Variants in SMIM36 observed in about 807,000 individuals in gnomAD.
SMIM36 encodes the protein small integral membrane protein 36.
the SMIM36 span, among the ~76,000 whole-genome samples, chr17:55,519,277 G>A: frequency 5.3e-5 from 8 of 152,196 alleles, no homozygotes; most frequent in South Asian, 2.1e-4. Context: ...GAAGGTTGGC[G>A]CAAGAGGGTG....
chr17:55,452,102 C>CAA (rs1156887430), intron 4 of SMIM36, among the ~76,000 whole-genome samples: 2,102 of 51,498 alleles, frequency 0.041, 24 homozygotes, highest in East Asian at 0.045. Flanking sequence ...TCAATCTCTA[C>CAA]AAAAAAAAAA....
the SMIM36 span, among the ~76,000 whole-genome samples, chr17:55,529,766 G>C: frequency 6.6e-6 from 1 of 152,096 alleles, no homozygotes; most frequent in Non-Finnish European, 1.5e-5. Context: ...ACTCCAGCCT[G>C]GGTGATGGAC....
At chr17:55,520,737 G>T in the SMIM36 span, among the ~76,000 whole-genome samples, 2 of 152,202 alleles carry the variant, frequency 1.3e-5, no homozygotes, top group East Asian at 3.8e-4. Flanking sequence ...AATATTTTCA[G>T]ATTGTGTTTG....
chr17:55,483,574 C>A (rs1349868494), intron 1 of SMIM36, among the ~76,000 whole-genome samples: 1 of 152,202 alleles, frequency 6.6e-6, no homozygotes, highest in Non-Finnish European at 1.5e-5. Flanking sequence ...TGAGCTGCAA[C>A]AGTAACTCTC....
intron 3 of SMIM36, among the ~76,000 whole-genome samples, chr17:55,470,588 G>A (rs1468616379): frequency 6.6e-6 from 1 of 152,036 alleles, no homozygotes; most frequent in Non-Finnish European, 1.5e-5. Flanking sequence ...CACTTGCCCA[G>A]CTCCCTTATT....
At chr17:55,453,367 G>A (rs1435601311) in intron 4 of SMIM36, among the ~76,000 whole-genome samples, 2 of 152,048 alleles carry the variant, frequency 1.3e-5, no homozygotes, top group African/African-American at 4.8e-5. Context: ...GAAGCATTTA[G>A]GTTACTCCTG....
At chr17:55,507,924 A>G (rs142374631) in intron 1 of SMIM36, among the ~76,000 whole-genome samples, 18 of 152,234 alleles carry the variant, frequency 1.2e-4, no homozygotes, top group African/African-American at 4.1e-4. Context: ...TTTGATAAAC[A>G]TAAAAATTAA....
chr17:55,501,759 C>T lies in SMIM36; in HGVS notation c.*174+9120G>A, dbSNP rs905095488. ...GCCGAATAGGAACAGCTCCGGTCTA[C>T]AGCTCCCAGCGTGACCGACGCAGAA... On this transcript the variant is annotated intron_variant, in intron 1 of 4. Transcript: ENST00000636752. Among the ~76,000 whole-genome samples, 6 of 151,530 alleles carry T rather than the reference C, an allele frequency of 4.0e-5. No homozygotes were observed. In the South Asian group the frequency reaches 1.0e-3, roughly 26 times the overall value.
At chr17:55,477,578 G>A (rs1466527091) in intron 3 of SMIM36, among the ~76,000 whole-genome samples, 1 of 152,144 alleles carries the variant, frequency 6.6e-6, no homozygotes, top group Admixed American at 6.5e-5. Flanking sequence ...CCCATTCTGT[G>A]TACTGGGGAT....
chr17:55,473,805 C>T (rs1242000234), intron 3 of SMIM36, among the ~76,000 whole-genome samples: 1 of 152,046 alleles, frequency 6.6e-6, no homozygotes, highest in Non-Finnish European at 1.5e-5. Context: ...CGGGAGACCA[C>T]CCCTCATATT....
intron 1 of SMIM36, among the ~76,000 whole-genome samples, chr17:55,491,024 A>G (rs1909693841): frequency 6.6e-6 from 1 of 151,962 alleles, no homozygotes; most frequent in African/African-American, 2.4e-5. Context: ...GGAGCCTGAG[A>G]CAGGAGGATC....
At chr17:55,529,505 C>G in the SMIM36 span, among the ~76,000 whole-genome samples, 1 of 151,910 alleles carries the variant, frequency 6.6e-6, no homozygotes, top group Non-Finnish European at 1.5e-5. Context: ...CGGTGGCTCA[C>G]GCCTGTAATC....
At chr17:55,495,528 G>A (rs1909793039) in intron 1 of SMIM36, among the ~76,000 whole-genome samples, 1 of 152,156 alleles carries the variant, frequency 6.6e-6, no homozygotes, top group South Asian at 2.1e-4. Context: ...GGTGGCTCAT[G>A]CCTGTAATCC....
chr17:55,518,907 T>C, the SMIM36 span, among the ~76,000 whole-genome samples: 1 of 151,888 alleles, frequency 6.6e-6, no homozygotes, highest in Non-Finnish European at 1.5e-5. Flanking sequence ...GGACAATGCT[T>C]CCATTTATCA....
intron 1 of SMIM36, among the ~76,000 whole-genome samples, chr17:55,509,026 C>G (rs1012241805): frequency 6.7e-6 from 1 of 150,320 alleles, no homozygotes; most frequent in Admixed American, 6.6e-5. Flanking sequence ...AAATCACATA[C>G]TTAAGAGAAA....
chr17:55,491,307 A>C (rs1168302187), intron 1 of SMIM36, among the ~76,000 whole-genome samples: 5 of 151,990 alleles, frequency 3.3e-5, no homozygotes, highest in African/African-American at 9.7e-5. Context: ...ATTAATTAAA[A>C]AAAGAAAATA....
upstream of SMIM36, among the ~76,000 whole-genome samples, chr17:55,512,761 T>C (rs1214589457): frequency 6.6e-6 from 1 of 152,238 alleles, no homozygotes. Flanking sequence ...TGGTCTCATA[T>C]ATGTATTTTT....
At chr17:55,520,244 C>G in the SMIM36 span, among the ~76,000 whole-genome samples, 2 of 152,098 alleles carry the variant, frequency 1.3e-5, no homozygotes, top group Non-Finnish European at 2.9e-5. Context: ...GCATTTTGAG[C>G]CCACCCAGAA....
intron 3 of SMIM36, among the ~76,000 whole-genome samples, chr17:55,476,830 G>A (rs149498053): frequency 0.017 from 2,522 of 152,266 alleles, 67 homozygotes; most frequent in African/African-American, 0.057. Context: ...GCCTCCCAAA[G>A]TGCTGGGATT....
Sources: allele counts gnomAD v4.1 joint callset (sites outside exome capture counted in the v4.1 genomes callset), GRCh38; gene constraint gnomAD v4.1.1; transcripts MANE v1.5; gene names NCBI Gene and HGNC (gene_info 2026-07-23, HGNC 2026-07-21).